The following VPS13C variants were observed in gnomAD, a reference collection of about 807,000 sequenced individuals.
The protein encoded by VPS13C is vacuolar protein sorting 13 homolog C, also known as intermembrane lipid transfer protein VPS13C.
In VPS13C, 358 loss-of-function variants were observed where a neutral mutation model predicts 456.8. The ratio of observed to expected loss-of-function variants is 0.78; its 90% confidence interval spans 0.72 to 0.86. The LOEUF (loss-of-function observed/expected upper bound fraction) is 0.86, where lower values mean the gene tolerates loss of function less well. VPS13C is among the 40% of genes least tolerant of loss of function. The pLI is 0.00. For synonymous variants in VPS13C, 1,578 were observed against 1,486.7 expected (o/e 1.06, Z -1.41); for missense variants, 4,818 against 4,385.4 (o/e 1.10, Z -2.79).
intron 66 of VPS13C, chr15:61,906,792 A>C (rs1391476651): frequency 5.9e-6 from 1 of 170,114 alleles, no homozygotes; most frequent in Admixed American, 5.6e-5. Context: ...TATTTAATCA[A>C]CTCAGCTACC....
chr15:62,053,189 G>C (rs1208440127), intron 1 of VPS13C, among the ~76,000 whole-genome samples: 1 of 152,144 alleles, frequency 6.6e-6, no homozygotes, highest in Non-Finnish European at 1.5e-5. Flanking sequence ...AAGCTAATGA[G>C]AAATGTGGCC....
At position 61,977,218 on chromosome 15, in the gene VPS13C, G is replaced by C. The variant is rs1208744130; in HGVS notation, c.2291-19C>G. 2.1e-6 allele frequency: 3 copies of C among 1,398,470 alleles called. No homozygotes were observed. The highest frequency in any genetic ancestry group is 2.9e-6 in the Non-Finnish European group (3 of 1,039,178). 86.6% of individuals were successfully genotyped at this position (1,398,470 alleles called of 1,614,324 possible). A position where few individuals can be genotyped will look rare whatever the true frequency, so the allele number is the denominator to read the frequency against. ...GTTTCCTCTTTAAAAAATAATTTAA[G>C]ATATTATTTATTATTTTTACAAACA... On this transcript the variant is annotated intron_variant, in intron 23 of 84. Coordinates refer to ENST00000644861, the MANE Select transcript of VPS13C (RefSeq NM_020821.3).
intron 1 of VPS13C, among the ~76,000 whole-genome samples, chr15:62,047,342 G>A (rs1369362263): frequency 6.6e-6 from 1 of 151,956 alleles, no homozygotes; most frequent in Non-Finnish European, 1.5e-5. Flanking sequence ...GCTGAGTGAG[G>A]CAGGAGAACT....
intron 49 of VPS13C, among the ~76,000 whole-genome samples, chr15:61,933,275 T>C (rs2044120830): frequency 6.6e-6 from 1 of 152,182 alleles, no homozygotes; most frequent in African/African-American, 2.4e-5. Context: ...TGCTCATTTT[T>C]GGTAAGGTCA....
chr15:62,044,177 A>T, intron 2 of VPS13C, 35 bp downstream of exon 2: 1 of 1,407,772 alleles, frequency 7.1e-7, no homozygotes, highest in Non-Finnish European at 9.8e-7. Flanking sequence ...TTACCAAATT[A>T]AGTGAGTTAT....
At chr15:61,932,686 T>G (rs745437411) in intron 49 of VPS13C, among the ~76,000 whole-genome samples, 11 of 152,194 alleles carry the variant, frequency 7.2e-5, no homozygotes, top group Non-Finnish European at 1.0e-4. Context: ...TCACTCAAGA[T>G]AGTATGTTGA....
intron 82 of VPS13C, among the ~76,000 whole-genome samples, chr15:61,860,817 T>C (rs2140842870): frequency 6.6e-6 from 1 of 152,256 alleles, no homozygotes; most frequent in Admixed American, 6.5e-5. Context: ...GGTGATCATA[T>C]AATCTGTTAT....
At position 61,894,303 on chromosome 15, in the gene VPS13C, G is replaced by T. The variant is rs12908472; in HGVS notation, c.9106-3903C>A. Among the ~76,000 whole-genome samples the T allele has an allele frequency of 1.4e-4, 21 of 150,720 alleles. No individual in the cohort carries two copies. In the East Asian group the frequency reaches 3.9e-3, roughly 28 times the overall value. ...AGCCAGGGTGACAGAGCAAGACTCC[G>T]TCTCAAAACAAAAAGCAGAAAAAAA... On this transcript the variant is annotated intron_variant, in intron 66 of 84. Transcript: ENST00000644861.
Position 61,984,870 on chromosome 15 carries a change from C to T in VPS13C, c.1708G>A (p.Ala570Thr). The change falls in exon 19 of 85, where the codon GCA (alanine) becomes ACA (threonine). Residue 570 changes from alanine to threonine, a missense_variant. Ala to Thr is a moderately conservative substitution (Grantham distance 58). Transcript: ENST00000644861. ...TTAAAAACTTACTTAAGTGCTTGTG[C>T]TCCTGGTCGCTGAGATACTTGAGTG... The part of the protein sequence containing the change: ...LGTQVSQRPG[A>T]QALKVEAKLE... 6.2e-7 allele frequency: 1 copy of T among 1,613,218 alleles called. No individual in the cohort carries two copies. Among genetic ancestry groups the T allele is most frequent in the Non-Finnish European group, 8.5e-7 (1 of 1,179,770 alleles).
At chr15:61,877,438 T>TAAGTTTTAGGGTACATGTGAA (rs1895508828) in intron 74 of VPS13C, among the ~76,000 whole-genome samples, 1 of 107,146 alleles carries the variant, frequency 9.3e-6, no homozygotes, top group Non-Finnish European at 2.3e-5. Context: ...ATTTAAAACT[T>TAAGTTTTAGGGTACATGTGAA]GACATAACCA....
chr15:62,016,024 T>C (rs1394448792), intron 9 of VPS13C, among the ~76,000 whole-genome samples: 1 of 147,390 alleles, frequency 6.8e-6, no homozygotes, highest in African/African-American at 2.5e-5. Context: ...TCTTCAGCTC[T>C]CTCTTTTTCT....
intron 23 of VPS13C, 66 bp downstream of exon 23, chr15:61,978,560 A>G: frequency 1.3e-6 from 2 of 1,558,934 alleles, no homozygotes; most frequent in Middle Eastern, 1.7e-4. Context: ...GCACACATAT[A>G]TACACGTATA....
chr15:62,016,897 A>C (rs1320183786), intron 9 of VPS13C, among the ~76,000 whole-genome samples: 1 of 152,114 alleles, frequency 6.6e-6, no homozygotes, highest in Non-Finnish European at 1.5e-5. Flanking sequence ...AACAGTGTAA[A>C]AGTGTTTCTA....
chr15:61,927,046 T>C, intron 52 of VPS13C, 45 bp downstream of exon 52: 1 of 1,529,904 alleles, frequency 6.5e-7, no homozygotes, highest in Non-Finnish European at 9.0e-7. Context: ...ATCAACTGTT[T>C]CTGCCATTCT....
intron 8 of VPS13C, among the ~76,000 whole-genome samples, chr15:62,022,395 C>A (rs1255269471): frequency 6.6e-6 from 1 of 151,842 alleles, no homozygotes; most frequent in Non-Finnish European, 1.5e-5. Context: ...CAACATTGTA[C>A]CCAGGTTCAC....
chr15:61,886,219 G>A (rs1459232408), intron 67 of VPS13C, among the ~76,000 whole-genome samples: 1 of 151,978 alleles, frequency 6.6e-6, no homozygotes, highest in Non-Finnish European at 1.5e-5. Flanking sequence ...TTTTGTATTT[G>A]TTAAGATATT....
At chr15:61,865,476 T>G (rs936994838) in intron 81 of VPS13C, 5 of 984,208 alleles carry the variant, frequency 5.1e-6, no homozygotes. Flanking sequence ...CGTTGCATGA[T>G]CATAAGTATG....
At chr15:62,038,354 C>T (rs961750882) in intron 3 of VPS13C, among the ~76,000 whole-genome samples, 2 of 151,978 alleles carry the variant, frequency 1.3e-5, no homozygotes, top group Admixed American at 1.3e-4. Context: ...TTTGGGAGGC[C>T]GAGGCGGATA....
At chr15:61,910,852 A>G (rs1295509073) in intron 63 of VPS13C, among the ~76,000 whole-genome samples, 1 of 152,140 alleles carries the variant, frequency 6.6e-6, no homozygotes, top group Non-Finnish European at 1.5e-5. Flanking sequence ...CATTCCTAAT[A>G]CAAAATGTGC....
Sources: allele counts gnomAD v4.1 joint callset (sites outside exome capture counted in the v4.1 genomes callset), GRCh38; gene constraint gnomAD v4.1.1; transcripts MANE v1.5; gene names NCBI Gene and HGNC (gene_info 2026-07-23, HGNC 2026-07-21).